APMAP: variants seen among roughly 807,000 people sequenced by gnomAD.
APMAP encodes the protein adipocyte plasma membrane associated protein.
In APMAP, 33 loss-of-function variants were observed where a neutral mutation model predicts 43.6. That is an observed-to-expected ratio of 0.76 (90% CI 0.57 to 1.01). The LOEUF is 1.01. APMAP is among the 50% of genes least tolerant of loss of function. The probability of loss-of-function intolerance (pLI) is 0.00; values close to 1 mark genes in which losing one functional copy is unlikely to be tolerated. For synonymous variants in APMAP, 224 were observed against 216.7 expected (o/e 1.03, Z -0.30); for missense variants, 498 against 540.7 (o/e 0.92, Z 0.78).
Position 24,976,924 on chromosome 20 carries a change from A to C in APMAP, c.328+1843T>G, listed in dbSNP as rs1227600837. Among the ~76,000 whole-genome samples, 3 of 152,272 alleles carry C rather than the reference A, an allele frequency of 2.0e-5. No homozygotes were observed. The East Asian group carries it at 5.8e-4, about 29-fold the overall frequency. On this transcript the variant is annotated intron_variant, in intron 3 of 8. Transcript: ENST00000217456. ...TGCATACTACTAAGTGAAAGATGCCAATCTGAAAAGGCTACATACTGTATG... is the reference window on the plus strand; with the variant it reads ...TGCATACTACTAAGTGAAAGATGCCCATCTGAAAAGGCTACATACTGTATG...
At chr20:24,991,423 T>C (rs2122538188) in intron 1 of APMAP, among the ~76,000 whole-genome samples, 1 of 152,314 alleles carries the variant, frequency 6.6e-6, no homozygotes, top group Middle Eastern at 3.4e-3. Flanking sequence ...CGCAGGATGG[T>C]TGGTCAGGAT....
At position 24,969,647 on chromosome 20, in the gene APMAP, C is replaced by G. The variant is rs773138592; in HGVS notation, c.727G>C (p.Asp243His). The stretch of plus-strand genomic sequence containing the variant: ...ACTTTTACTTCCCTGGTCACAGTAT[C>G]ATACTCCAGCAGGCTGTGGAACACC... ...GTDDGRLLEY[D>H]TVTREVKVLL... Residue 243 changes from aspartate to histidine, a missense_variant, in exon 7 of 9, where the codon GAT (aspartate) becomes CAT (histidine). Physicochemically the swap from Asp to His is moderately conservative, Grantham distance 81. Coordinates refer to ENST00000217456, the MANE Select transcript of APMAP (RefSeq NM_020531.3). 8.7e-6 allele frequency: 14 copies of G among 1,613,124 alleles called. No individual in the cohort carries two copies. Among genetic ancestry groups the G allele is most frequent in the Admixed American group, 1.7e-5 (1 of 59,990 alleles).
At chr20:24,977,858 T>A (rs2088063831) in intron 3 of APMAP, among the ~76,000 whole-genome samples, 1 of 152,242 alleles carries the variant, frequency 6.6e-6, no homozygotes, top group Admixed American at 6.5e-5. Flanking sequence ...TCTATCATGA[T>A]ATTTACTCTT....
intron 8 of APMAP, among the ~76,000 whole-genome samples, chr20:24,967,205 G>A (rs1289319918): frequency 6.6e-6 from 1 of 152,194 alleles, no homozygotes; most frequent in Admixed American, 6.5e-5. Context: ...TGAGGCAGGA[G>A]AATCACTTGA....
intron 1 of APMAP, among the ~76,000 whole-genome samples, chr20:24,989,470 A>C (rs2088173982): frequency 6.6e-6 from 1 of 152,152 alleles, no homozygotes; most frequent in Non-Finnish European, 1.5e-5. Flanking sequence ...TGCACACAGG[A>C]CATTAGGGCC....
At chr20:24,978,910 T>G in intron 2 of APMAP, 28 bp from the exon 3 acceptor site, 2 of 1,551,944 alleles carry the variant, frequency 1.3e-6, no homozygotes, top group Non-Finnish European at 1.8e-6. Flanking sequence ...TCCAGAGATC[T>G]GTCTATAAAT....
chr20:24,978,521 A>G (rs1401237780), intron 3 of APMAP, among the ~76,000 whole-genome samples: 1 of 152,224 alleles, frequency 6.6e-6, no homozygotes, highest in Non-Finnish European at 1.5e-5. Context: ...AAAGTGTTCC[A>G]TAGAGATGAA....
intron 7 of APMAP, 45 bp downstream of exon 7, chr20:24,969,481 T>C: frequency 6.4e-7 from 1 of 1,561,272 alleles, no homozygotes; most frequent in African/African-American, 1.4e-5. Flanking sequence ...CCGGCCATGA[T>C]GCGCTCTGGC....
At position 24,988,904 on chromosome 20, in the gene APMAP, G is replaced by T. The variant is rs74510196; in HGVS notation, c.95+3690C>A. On this transcript the variant is annotated intron_variant, in intron 1 of 8. Coordinates refer to ENST00000217456, the MANE Select transcript of APMAP (RefSeq NM_020531.3). ...TGGAAATACAATAGCTACTAGCCAT[G>T]TGTGGTTCCTGAGCACTTGAAATGG... Among the ~76,000 whole-genome samples the T allele has an allele frequency of 1.5e-3, 233 of 152,362 alleles. 3 individuals are homozygous for T. Among genetic ancestry groups the T allele is most frequent in the African/African-American group, 5.3e-3 (220 of 41,588 alleles).
At chr20:24,992,453 G>A in intron 1 of APMAP, 141 bp downstream of exon 1, 1 of 624,440 alleles carries the variant, frequency 1.6e-6, no homozygotes, top group Non-Finnish European at 2.4e-6. Flanking sequence ...AGTTTTTCTT[G>A]GGGATGAAAC....
Position 24,963,590 on chromosome 20 carries a change from T to C in APMAP, c.*223A>G. The C allele has an allele frequency of 1.7e-6, 1 of 575,676 alleles. No individual in the cohort carries two copies. The highest frequency in any genetic ancestry group is 2.1e-5 in the South Asian group (1 of 47,116). The allele number at this position is 575,676 out of a possible 1,614,324, so 35.7% of individuals were successfully genotyped here. ...ATGGCTTTACATGAATTTATGTTCC[T>C]CATGGCAGATATGTTACACTTCCCT... On this transcript the variant is annotated 3_prime_UTR_variant, in exon 9 of 9. Coordinates refer to ENST00000217456, the MANE Select transcript of APMAP (RefSeq NM_020531.3).
Position 24,968,963 on chromosome 20 carries a change from G to A in APMAP, c.970C>T (p.Arg324Cys), listed in dbSNP as rs751217644. The A allele has an allele frequency of 6.8e-6, 11 of 1,613,832 alleles. No individual in the cohort carries two copies. Among genetic ancestry groups the A allele is most frequent in the South Asian group, 3.3e-5 (3 of 91,066 alleles). ...AGCATGGAAAACCCAGGGTTAGGGCGGATGGTCGACATGCCCACCCAGTAC... is the reference window on the plus strand; with the variant it reads ...AGCATGGAAAACCCAGGGTTAGGGCAGATGGTCGACATGCCCACCCAGTAC... ...GGYWVGMSTI[R>C]PNPGFSMLDF... Residue 324 changes from arginine to cysteine, a missense_variant, in exon 8 of 9, where the codon CGC becomes TGC. Coordinates refer to ENST00000217456, the MANE Select transcript of APMAP (RefSeq NM_020531.3).
chr20:24,968,702 G>A (rs1033662103), intron 8 of APMAP, among the ~76,000 whole-genome samples, 190 bp downstream of exon 8: 45 of 152,244 alleles, frequency 3.0e-4, no homozygotes, highest in Admixed American at 1.1e-3. Flanking sequence ...CCAGAAAAAG[G>A]AAAACCATAA....
chr20:24,973,754 A>G lies in APMAP; in HGVS notation c.329-17T>C. On this transcript the variant is annotated splice_polypyrimidine_tract_variant and intron_variant, in intron 3 of 8. Coordinates refer to ENST00000217456, the MANE Select transcript of APMAP (RefSeq NM_020531.3). ...ACATCACATCTGTTTAAAAACACAA[A>G]AAGGAGGAAGAGCAATGTTAGCCTA... is the stretch of plus-strand genomic sequence containing the variant. The G allele has an allele frequency of 1.9e-6, 3 of 1,610,454 alleles. No homozygotes were observed. The highest frequency in any genetic ancestry group is 2.5e-6 in the Non-Finnish European group (3 of 1,176,834).
rs371061783 is a variant in APMAP, at chr20:24,973,656, G to A, written c.410C>T (p.Ser137Leu). The A allele has an allele frequency of 5.9e-5, 96 of 1,613,912 alleles. No homozygotes were observed. The highest frequency in any genetic ancestry group is 3.8e-4 in the East Asian group (17 of 44,880). Residue 137 changes from serine to leucine, a missense_variant, in exon 4 of 9, where the codon TCG becomes TTG. Transcript: ENST00000217456. ...GEIETIARFG[S>L]GPCKTRDDEP... ...TATCACCAACTTACTGCAAGGGCCC[G>A]AACCAAACCGGGCAATGGTCTCTAT...
chr20:24,971,353 G>A, intron 5 of APMAP, 107 bp downstream of exon 5: 3 of 989,124 alleles, frequency 3.0e-6, no homozygotes, highest in Non-Finnish European at 4.4e-6. Flanking sequence ...AGAAATATCA[G>A]AGTCTTTAGT....
At position 24,968,882 on chromosome 20, in the gene APMAP, TCA is replaced by T; in HGVS notation, c.1041+8_1041+9del. 6 of 1,571,060 alleles carry T rather than the reference TCA, an allele frequency of 3.8e-6. No individual in the cohort carries two copies. Among genetic ancestry groups the T allele is most frequent in the Non-Finnish European group, 4.3e-6 (5 of 1,156,556 alleles). ...ATTTTCTTTCTTGGAATAACAGTTT[TCA>T]CAGTTACCTTAAAAATCATCCTTTT... On this transcript the variant is annotated splice_region_variant and intron_variant, in intron 8 of 8. Transcript: ENST00000217456.
rs8124876 is a variant in APMAP, at chr20:24,978,748, C to A, written c.328+19G>T. 4.1e-5 allele frequency: 55 copies of A among 1,325,832 alleles called. 1 individual carries two copies. Among genetic ancestry groups the A allele is most frequent in the Admixed American group, 1.7e-4 (9 of 54,448 alleles). 82.1% of individuals were successfully genotyped at this position (1,325,832 alleles called of 1,614,324 possible). On this transcript the variant is annotated intron_variant, in intron 3 of 8. Coordinates refer to ENST00000217456, the MANE Select transcript of APMAP (RefSeq NM_020531.3). ...CAGACAGCCTGGAAGGCTCCCCCCCCACCCAAGCTTAGACTTACCCCCAAT... is the reference window on the plus strand; with the variant it reads ...CAGACAGCCTGGAAGGCTCCCCCCCAACCCAAGCTTAGACTTACCCCCAAT...
intron 1 of APMAP, among the ~76,000 whole-genome samples, chr20:24,988,733 G>C (rs1568818760): frequency 2.0e-5 from 3 of 152,172 alleles, no homozygotes. Flanking sequence ...TCCCTTCCCA[G>C]TCAGACTTCA....
Sources: allele counts gnomAD v4.1 joint callset (sites outside exome capture counted in the v4.1 genomes callset), GRCh38; gene constraint gnomAD v4.1.1; transcripts MANE v1.5; gene names NCBI Gene and HGNC (gene_info 2026-07-23, HGNC 2026-07-21).